Variants in TRDN observed in about 807,000 individuals in gnomAD.
TRDN encodes the protein triadin in skeletal muscle.
TRDN carries 161 observed loss-of-function variants against 149.7 expected under a neutral mutation model. The observed-to-expected ratio is 1.08, with a 90% confidence interval of 0.95 to 1.23. The LOEUF (loss-of-function observed/expected upper bound fraction) is 1.23. Ranked by LOEUF, TRDN falls within the 50% of genes most tolerant of loss-of-function variation. The pLI is 0.00. For synonymous variants in TRDN, 294 were observed against 250.5 expected (o/e 1.17, Z -1.64); for missense variants, 896 against 823.5 (o/e 1.09, Z -1.08).
At chr6:123,444,301 T>C (rs1775147115) in intron 10 of TRDN, among the ~76,000 whole-genome samples, 3 of 124,886 alleles carry the variant, frequency 2.4e-5, no homozygotes, top group South Asian at 2.8e-4. Context: ...GGGAGTTCAC[T>C]CATGATTTGG....
intron 37 of TRDN, 23 bp from the exon 38 acceptor site, chr6:123,252,458 T>C: frequency 7.1e-7 from 1 of 1,413,768 alleles, no homozygotes; most frequent in South Asian, 1.4e-5. Flanking sequence ...AATAAATAAG[T>C]TTTGTTTAAC....
At chr6:123,500,023 G>T (rs531276118) in intron 8 of TRDN, among the ~76,000 whole-genome samples, 1 of 151,656 alleles carries the variant, frequency 6.6e-6, no homozygotes, top group Non-Finnish European at 1.5e-5. Context: ...TGGGACAACT[G>T]TACCTTACTT....
intron 12 of TRDN, among the ~76,000 whole-genome samples, chr6:123,416,648 G>A (rs1773659700): frequency 1.3e-5 from 2 of 151,240 alleles, no homozygotes; most frequent in African/African-American, 4.9e-5. Flanking sequence ...GGACTATGAA[G>A]TTCTATAAAT....
At chr6:123,485,867 T>TC (rs1241021965) in intron 9 of TRDN, among the ~76,000 whole-genome samples, 2 of 152,116 alleles carry the variant, frequency 1.3e-5, no homozygotes, top group Non-Finnish European at 2.9e-5. Context: ...TTAATTTTTT[T>TC]CTCTCCTATT....
At chr6:123,377,457 T>C (rs1781551521) in intron 18 of TRDN, among the ~76,000 whole-genome samples, 1 of 152,162 alleles carries the variant, frequency 6.6e-6, no homozygotes, top group Admixed American at 6.5e-5. Context: ...CAAAAATCCT[T>C]CATTTCTAAT....
chr6:123,490,601 G>C (rs1359036423), intron 9 of TRDN, among the ~76,000 whole-genome samples: 1 of 152,100 alleles, frequency 6.6e-6, no homozygotes, highest in Admixed American at 6.6e-5. Context: ...AATTTATCCT[G>C]TTATATTTTG....
At chr6:123,606,114 A>G (rs1382747511) in intron 1 of TRDN, among the ~76,000 whole-genome samples, 1 of 152,186 alleles carries the variant, frequency 6.6e-6, no homozygotes, top group African/African-American at 2.4e-5. Flanking sequence ...GATAAAAATG[A>G]CATTTAATGA....
intron 39 of TRDN, among the ~76,000 whole-genome samples, chr6:123,223,516 A>G (rs1218211780): frequency 1.3e-5 from 2 of 151,766 alleles, no homozygotes; most frequent in East Asian, 3.9e-4. Context: ...TTCAGAAAAA[A>G]AATCAAGTTA....
chr6:123,457,803 C>A (rs1776219455), intron 10 of TRDN, among the ~76,000 whole-genome samples: 1 of 152,090 alleles, frequency 6.6e-6, no homozygotes, highest in Admixed American at 6.6e-5. Flanking sequence ...ATGTTTAAAT[C>A]TTTATTGAAA....
At chr6:123,361,632 C>T (rs1184590878) in intron 20 of TRDN, among the ~76,000 whole-genome samples, 1 of 152,048 alleles carries the variant, frequency 6.6e-6, no homozygotes, top group Non-Finnish European at 1.5e-5. Flanking sequence ...TACTTCACTC[C>T]CTCTTTCCTC....
chr6:123,304,335 C>A (rs1300170178), intron 24 of TRDN, among the ~76,000 whole-genome samples: 4 of 150,270 alleles, frequency 2.7e-5, no homozygotes. Context: ...TCACTGCAAC[C>A]TCCGCCTCCT....
chr6:123,543,158 C>A (rs1780935151), intron 4 of TRDN, among the ~76,000 whole-genome samples: 1 of 152,040 alleles, frequency 6.6e-6, no homozygotes, highest in Non-Finnish European at 1.5e-5. Flanking sequence ...ATTTGCAGGA[C>A]ATTTTACTAA....
intron 21 of TRDN, chr6:123,352,010 T>C: frequency 1.0e-6 from 1 of 977,514 alleles, no homozygotes; most frequent in Non-Finnish European, 1.2e-6. Flanking sequence ...ACCATTATGA[T>C]TTATAACACT....
At chr6:123,544,105 G>A (rs886524067) in intron 4 of TRDN, among the ~76,000 whole-genome samples, 3 of 151,764 alleles carry the variant, frequency 2.0e-5, no homozygotes, top group African/African-American at 7.3e-5. Flanking sequence ...GAATGCCATC[G>A]AATGAATGGA....
chr6:123,608,280 C>T (rs1784612602), intron 1 of TRDN, among the ~76,000 whole-genome samples: 1 of 152,098 alleles, frequency 6.6e-6, no homozygotes, highest in African/African-American at 2.4e-5. Context: ...TATGCTCTAT[C>T]TTCTAGGGCA....
chr6:123,381,224 T>A (rs1333883688), intron 16 of TRDN, 146 bp downstream of exon 16: 1 of 722,236 alleles, frequency 1.4e-6, no homozygotes, highest in Non-Finnish European at 2.3e-6. Flanking sequence ...AGACTGTGTA[T>A]TTTTTCACTT....
chr6:123,299,736 G>GA (rs983196229), intron 24 of TRDN, among the ~76,000 whole-genome samples: 6 of 151,176 alleles, frequency 4.0e-5, no homozygotes, highest in East Asian at 1.9e-4. Context: ...TGGGAAAGTA[G>GA]AAAAAAAATG....
intron 1 of TRDN, among the ~76,000 whole-genome samples, chr6:123,631,471 G>T (rs1786003240): frequency 6.6e-6 from 1 of 151,830 alleles, no homozygotes; most frequent in African/African-American, 2.4e-5. Context: ...TATTATAATA[G>T]ATATTAAAAA....
chr6:123,266,799 A>AAT lies in TRDN; in HGVS notation c.1783+906_1783+907dup, dbSNP rs549073060. ...ATATATTATATATGTTATATATTAT[A>AAT]ATATATATATATTTGTACTGGTAGA... On this transcript the variant is annotated intron_variant, in intron 32 of 40. Transcript: ENST00000334268. Among the ~76,000 whole-genome samples, 903 of 132,800 alleles carry AAT rather than the reference A, an allele frequency of 6.8e-3. 25 individuals are homozygous for AAT. The East Asian group carries it at 0.071, about 10-fold the overall frequency. The allele number at this position is 132,800 out of a possible 152,430, so 87.1% of individuals were successfully genotyped here. A position where few individuals can be genotyped will look rare whatever the true frequency, so the allele number is the denominator to read the frequency against.
Sources: gnomAD v4.1 joint callset for allele counts (sites outside exome capture counted in the v4.1 genomes callset) on GRCh38, gnomAD v4.1.1 for gene constraint, MANE v1.5 for transcripts, NCBI Gene and HGNC (gene_info 2026-07-23, HGNC 2026-07-21) for gene names.